The following PKHD1 variants were observed in gnomAD, a reference collection of about 807,000 sequenced individuals.
PKHD1 encodes PKHD1 ciliary IPT domain containing fibrocystin/polyductin.
In PKHD1, 291 loss-of-function variants were observed where a neutral mutation model predicts 412.0. That is an observed-to-expected ratio of 0.71 (90% CI 0.64 to 0.78). The LOEUF is 0.78. Ranked by LOEUF, PKHD1 falls within the 30% of genes least tolerant of loss-of-function variation. The pLI is 0.00. For synonymous variants in PKHD1, 1,777 were observed against 1,821.5 expected (o/e 0.98, Z 0.62); for missense variants, 4,825 against 4,950.7 (o/e 0.97, Z 0.76).
chr6:52,054,302 G>T, intron 19 of PKHD1, 137 bp from the exon 20 acceptor site: 1 of 736,532 alleles, frequency 1.4e-6, no homozygotes, highest in Non-Finnish European at 2.3e-6. Flanking sequence ...CCCTTCCAGA[G>T]CTTACCAGTG....
intron 52 of PKHD1, among the ~76,000 whole-genome samples, chr6:51,826,184 C>T (rs1471509053): frequency 6.6e-6 from 1 of 152,088 alleles, no homozygotes; most frequent in Non-Finnish European, 1.5e-5. Context: ...CAAGGAGGTG[C>T]ATTACATATT....
intron 34 of PKHD1, among the ~76,000 whole-genome samples, chr6:52,011,895 G>C (rs1170911941): frequency 6.6e-6 from 1 of 152,104 alleles, no homozygotes; most frequent in Non-Finnish European, 1.5e-5. Flanking sequence ...CTGGGACTCC[G>C]GTCTGCCTTT....
intron 52 of PKHD1, among the ~76,000 whole-genome samples, chr6:51,794,742 T>C (rs892485853): frequency 6.6e-6 from 1 of 152,226 alleles, no homozygotes; most frequent in Non-Finnish European, 1.5e-5. Flanking sequence ...TGCATATGGC[T>C]AGCCAATTCT....
At chr6:51,939,535 C>T (rs1788127191) in intron 36 of PKHD1, among the ~76,000 whole-genome samples, 1 of 151,588 alleles carries the variant, frequency 6.6e-6, no homozygotes, top group Non-Finnish European at 1.5e-5. Context: ...GACCCCATTA[C>T]AAACTTGACA....
intron 21 of PKHD1, among the ~76,000 whole-genome samples, chr6:52,051,751 G>A (rs1199781547): frequency 1.5e-5 from 2 of 131,874 alleles, no homozygotes; most frequent in African/African-American, 2.5e-5. Context: ...TCCAACTAGT[G>A]GACTCCAGTG....
In PKHD1 at chr6:51,670,861, T is replaced by A. The variant is rs1169777694; in HGVS notation, c.10157-10892A>T. On this transcript the variant is annotated intron_variant, in intron 60 of 66. Transcript: ENST00000371117. ...GGTTGAAAATTCTTTTCTTTAAGAATGTTGAATATTGGCCCCCACTCTCTT... is the reference window on the plus strand; with the variant it reads ...GGTTGAAAATTCTTTTCTTTAAGAAAGTTGAATATTGGCCCCCACTCTCTT... 1.2e-4 allele frequency among the ~76,000 whole-genome samples: 18 copies of A among 151,866 alleles called. No individual in the cohort carries two copies. In the South Asian group the frequency reaches 3.1e-3, roughly 26 times the overall value.
intron 60 of PKHD1, among the ~76,000 whole-genome samples, chr6:51,734,014 T>C (rs1409765911): frequency 6.6e-6 from 1 of 152,194 alleles, no homozygotes; most frequent in Non-Finnish European, 1.5e-5. Flanking sequence ...TCTTTCCAAG[T>C]AGCATGTATT....
At chr6:51,829,440 G>A (rs1767875951) in intron 52 of PKHD1, among the ~76,000 whole-genome samples, 1 of 152,124 alleles carries the variant, frequency 6.6e-6, no homozygotes, top group Non-Finnish European at 1.5e-5. Context: ...GGTGGGGGAA[G>A]CAGCTTGCTT....
intron 52 of PKHD1, among the ~76,000 whole-genome samples, chr6:51,814,535 C>T (rs1765162189): frequency 6.6e-6 from 1 of 152,220 alleles, no homozygotes; most frequent in Non-Finnish European, 1.5e-5. Context: ...CCACAAGCTG[C>T]TCACTAGCTA....
chr6:52,046,230 T>A, intron 23 of PKHD1, 42 bp from the exon 24 acceptor site: 1 of 1,405,604 alleles, frequency 7.1e-7, no homozygotes, highest in Non-Finnish European at 1.0e-6. Flanking sequence ...AGACACTAAT[T>A]AATCCACCTT....
intron 49 of PKHD1, among the ~76,000 whole-genome samples, chr6:51,854,325 G>A (rs907770187): frequency 9.9e-5 from 15 of 152,046 alleles, no homozygotes; most frequent in African/African-American, 2.9e-4. Flanking sequence ...CTCTGACCTC[G>A]AGGGGCACCA....
chr6:51,709,779 A>G (rs553560701), intron 60 of PKHD1, among the ~76,000 whole-genome samples: 5 of 152,276 alleles, frequency 3.3e-5, no homozygotes, highest in Admixed American at 1.3e-4. Flanking sequence ...GGAACAGTCA[A>G]TATAATTACA....
intron 6 of PKHD1, among the ~76,000 whole-genome samples, chr6:52,075,877 T>C (rs1323208249): frequency 6.6e-6 from 1 of 152,178 alleles, no homozygotes; most frequent in Admixed American, 6.6e-5. Context: ...TCTTCTATTA[T>C]CAGGTTTTGG....
At chr6:51,786,238 T>G (rs1792834617) in intron 53 of PKHD1, among the ~76,000 whole-genome samples, 1 of 152,100 alleles carries the variant, frequency 6.6e-6, no homozygotes, top group Admixed American at 6.6e-5. Context: ...AACTCTTCCT[T>G]GCCTCAGATC....
At chr6:51,719,667 G>A (rs567020895) in intron 60 of PKHD1, among the ~76,000 whole-genome samples, 1 of 152,238 alleles carries the variant, frequency 6.6e-6, no homozygotes, top group Non-Finnish European at 1.5e-5. Flanking sequence ...TTACAAATAT[G>A]TTATCTCTTT....
At position 51,744,568 on chromosome 6, in the gene PKHD1, CTT is replaced by C. The variant is rs752430154; in HGVS notation, c.9999-28_9999-27del. On this transcript the variant is annotated intron_variant, in intron 59 of 66. Transcript: ENST00000371117. ...CTGTGAAGACAGTCAAAAAGCAACT[CTT>C]TCATTTCATGATAAGCAGCAAGAAG... 24 of 1,592,738 alleles carry C rather than the reference CTT, an allele frequency of 1.5e-5. 1 individual carries two copies. In the South Asian group the frequency reaches 2.4e-4, roughly 16 times the overall value.
chr6:52,060,511 C>T (rs892145404), intron 14 of PKHD1, among the ~76,000 whole-genome samples: 1 of 152,190 alleles, frequency 6.6e-6, no homozygotes, highest in African/African-American at 2.4e-5. Flanking sequence ...AGATAAGCGT[C>T]AATTCAAAAT....
intron 25 of PKHD1, among the ~76,000 whole-genome samples, chr6:52,044,192 G>A (rs1042621182): frequency 2.6e-5 from 4 of 152,080 alleles, no homozygotes; most frequent in Non-Finnish European, 4.4e-5. Flanking sequence ...GGTCTCTTTT[G>A]TCACAGAATG....
intron 60 of PKHD1, among the ~76,000 whole-genome samples, chr6:51,708,028 G>C (rs956912398): frequency 6.6e-6 from 1 of 152,064 alleles, no homozygotes. Context: ...TCAAATCTTT[G>C]ACCTGTCATG....
Sources: gnomAD v4.1 joint callset for allele counts (sites outside exome capture counted in the v4.1 genomes callset) on GRCh38, gnomAD v4.1.1 for gene constraint, MANE v1.5 for transcripts, NCBI Gene and HGNC (gene_info 2026-07-23, HGNC 2026-07-21) for gene names.